C9orf153: variants seen among roughly 807,000 people sequenced by gnomAD.
C9orf153 encodes chromosome 9 open reading frame 153.
Under a neutral mutation model 9.0 loss-of-function variants are expected in C9orf153, and 10 were observed. The ratio of observed to expected loss-of-function variants is 1.11; its 90% CI spans 0.69 to 1.89. The LOEUF is 1.89. Ranked by LOEUF, C9orf153 falls within the 40% of genes most tolerant of loss-of-function variation. The pLI is 0.00. For missense variants in C9orf153, 108 were observed against 111.0 expected, an observed-to-expected ratio of 0.97 and a Z score of 0.12; for synonymous variants, 35 against 37.3, an observed-to-expected ratio of 0.94 and a Z score of 0.23.
At chr9:86,225,535 C>T (rs1418267873) in intron 3 of C9orf153, among the ~76,000 whole-genome samples, 1 of 151,650 alleles carries the variant, frequency 6.6e-6, no homozygotes, top group Non-Finnish European at 1.5e-5. Flanking sequence ...CTTGGCTCAC[C>T]ACAACCTCTG....
At chr9:86,224,212 C>T (rs1824267933) in intron 3 of C9orf153, among the ~76,000 whole-genome samples, 1 of 151,816 alleles carries the variant, frequency 6.6e-6, no homozygotes, top group Admixed American at 6.6e-5. Context: ...TATGATGAAA[C>T]CCCATCTCTA....
intron 1 of C9orf153, among the ~76,000 whole-genome samples, chr9:86,231,815 T>C (rs541157028): frequency 2.2e-4 from 33 of 152,078 alleles, no homozygotes; most frequent in Non-Finnish European, 4.3e-4. Flanking sequence ...GGAAGGAAAT[T>C]TTTTCTGCAA....
intron 2 of C9orf153, chr9:86,229,033 A>G (rs190982570): frequency 4.8e-6 from 1 of 206,340 alleles, no homozygotes; most frequent in East Asian, 1.3e-4. Flanking sequence ...AATATTTTAT[A>G]ATAGTCTGTT....
At chr9:86,249,920 T>C (rs1276213008) in intron 1 of C9orf153, among the ~76,000 whole-genome samples, 1 of 152,124 alleles carries the variant, frequency 6.6e-6, no homozygotes, top group African/African-American at 2.4e-5. Context: ...AGAAATGGCA[T>C]AGAAATTTAC....
chr9:86,247,930 G>A (rs1824905343), intron 1 of C9orf153, among the ~76,000 whole-genome samples: 1 of 152,120 alleles, frequency 6.6e-6, no homozygotes. Context: ...TGCTCAGTAA[G>A]AGTGAAGTGC....
At chr9:86,250,359 T>C (rs973704238) in intron 1 of C9orf153, among the ~76,000 whole-genome samples, 3 of 152,136 alleles carry the variant, frequency 2.0e-5, no homozygotes, top group African/African-American at 7.2e-5. Context: ...TAGCCTGTGC[T>C]TTGTGGGAGG....
chr9:86,232,397 C>G (rs1427229999), intron 1 of C9orf153, among the ~76,000 whole-genome samples: 1 of 152,220 alleles, frequency 6.6e-6, no homozygotes, highest in East Asian at 1.9e-4. Flanking sequence ...GACCCAATCT[C>G]TCATGGAGAG....
At chr9:86,239,698 T>C (rs1260943646) in intron 1 of C9orf153, among the ~76,000 whole-genome samples, 1 of 152,210 alleles carries the variant, frequency 6.6e-6, no homozygotes, top group Non-Finnish European at 1.5e-5. Context: ...AGTTATATTG[T>C]TGGTTGAACA....
rs115443186 is a variant in C9orf153, at chr9:86,241,102, A to G, written c.-26-11473T>C. ...CCTATATATTGAGCTTATTTTTTCT[A>G]TGCTTATGGAGACAGCCCCCTCTTT... On this transcript the variant is annotated intron_variant, in intron 1 of 3. Transcript: ENST00000339137. Among the ~76,000 whole-genome samples the G allele has an allele frequency of 2.2e-3, 329 of 152,090 alleles. 3 individuals carry two copies. The highest frequency in any genetic ancestry group is 7.3e-3 in the African/African-American group (302 of 41,514).
chr9:86,245,742 A>G (rs1824851034), intron 1 of C9orf153, among the ~76,000 whole-genome samples: 1 of 152,172 alleles, frequency 6.6e-6, no homozygotes, highest in Admixed American at 6.5e-5. Context: ...CTGGCCCGCA[A>G]ATCACTCTAA....
At chr9:86,259,338 C>T (rs1311183690) in intron 1 of C9orf153, among the ~76,000 whole-genome samples, 1 of 152,134 alleles carries the variant, frequency 6.6e-6, no homozygotes, top group African/African-American at 2.4e-5. Context: ...CTGGTTCCAG[C>T]TTCTGTGACC....
intron 3 of C9orf153, among the ~76,000 whole-genome samples, chr9:86,225,658 A>G (rs1256442860): frequency 6.6e-6 from 1 of 152,038 alleles, no homozygotes; most frequent in African/African-American, 2.4e-5. Context: ...ACGGGGTTTC[A>G]CCATGTTGTC....
At chr9:86,235,368 T>C (rs1358084162) in intron 1 of C9orf153, among the ~76,000 whole-genome samples, 1 of 152,196 alleles carries the variant, frequency 6.6e-6, no homozygotes, top group Non-Finnish European at 1.5e-5. Flanking sequence ...AAATGCAGAA[T>C]GCCATTGATG....
intron 3 of C9orf153, among the ~76,000 whole-genome samples, chr9:86,223,627 G>T (rs1360480136): frequency 6.6e-6 from 1 of 152,172 alleles, no homozygotes; most frequent in Non-Finnish European, 1.5e-5. Context: ...AAGGGGTGAT[G>T]ATTGGACACA....
At chr9:86,244,856 T>C (rs1225908679) in intron 1 of C9orf153, among the ~76,000 whole-genome samples, 1 of 152,234 alleles carries the variant, frequency 6.6e-6, no homozygotes, top group East Asian at 1.9e-4. Flanking sequence ...GACAACATAC[T>C]CTATTGTCAT....
chr9:86,223,159 G>T (rs1186332492), intron 3 of C9orf153, among the ~76,000 whole-genome samples: 1 of 152,144 alleles, frequency 6.6e-6, no homozygotes, highest in Non-Finnish European at 1.5e-5. Flanking sequence ...AAGGAAGGAA[G>T]GGGATCTTTA....
chr9:86,231,940 TC>T (rs1480575440), intron 1 of C9orf153, among the ~76,000 whole-genome samples: 1 of 152,142 alleles, frequency 6.6e-6, no homozygotes, highest in Non-Finnish European at 1.5e-5. Context: ...GGTTGCCTTC[TC>T]CCATCACCAA....
rs186449112 is a variant in C9orf153, at chr9:86,239,129, C to T, written c.-26-9500G>A. The stretch of plus-strand genomic sequence containing the variant: ...ACAAAAAATTAGCCAGGCGTGGCGG[C>T]GCATGCCTGTAGTCCCAGCTACTCA... On this transcript the variant is annotated intron_variant, in intron 1 of 3. Transcript: ENST00000339137. 2.0e-3 allele frequency among the ~76,000 whole-genome samples: 297 copies of T among 152,056 alleles called. 2 individuals carry two copies. Among genetic ancestry groups the T allele is most frequent in the South Asian group, 0.014 (68 of 4,812 alleles).
chr9:86,242,369 T>G (rs565363897), intron 1 of C9orf153, among the ~76,000 whole-genome samples: 1 of 151,808 alleles, frequency 6.6e-6, no homozygotes, highest in African/African-American at 2.4e-5. Context: ...CTTTTTTTTT[T>G]CTGCTGCCGC....
Sources: allele counts gnomAD v4.1 joint callset (sites outside exome capture counted in the v4.1 genomes callset), GRCh38; gene constraint gnomAD v4.1.1; transcripts MANE v1.5; gene names NCBI Gene and HGNC (gene_info 2026-07-23, HGNC 2026-07-21).